Variants in BRIP1 observed in about 807,000 individuals in gnomAD.
BRIP1 encodes Fanconi anemia group J protein.
In BRIP1, 88 loss-of-function variants were observed where a neutral mutation model predicts 119.7. That is an observed-to-expected ratio of 0.74 (90% CI 0.62 to 0.88). The LOEUF (loss-of-function observed/expected upper bound fraction) is 0.88, where lower values mean the gene tolerates loss of function less well. BRIP1 is among the 40% of genes least tolerant of loss of function. The pLI, the probability that BRIP1 is intolerant of heterozygous loss-of-function variation, is 0.00. For missense variants in BRIP1, 1,259 were observed against 1,455.4 expected (o/e 0.87, Z 2.20); for synonymous variants, 443 against 496.5 (o/e 0.89, Z 1.43).
In BRIP1 at chr17:61,816,565, G is replaced by C. The variant is rs1485189502; in HGVS notation, c.628-7808C>G. Among the ~76,000 whole-genome samples the C allele has an allele frequency of 1.3e-5, 2 of 152,034 alleles. No homozygotes were observed. The highest frequency in any genetic ancestry group is 1.3e-4 in the Admixed American group (2 of 15,248). ...TTTCTGAAAAGTCTGTGTTTCAATA[G>C]AGTAAATCAATAAGAATTATCAGTT... On this transcript the variant is annotated intron_variant, in intron 6 of 19. Coordinates refer to ENST00000259008, the MANE Select transcript of BRIP1 (RefSeq NM_032043.3). The surrounding 1 kb of genome is among the most constrained non-coding windows in gnomAD (Gnocchi z 5.0).
intron 6 of BRIP1, among the ~76,000 whole-genome samples, chr17:61,836,193 C>A (rs1380818323): frequency 6.8e-6 from 1 of 146,924 alleles, no homozygotes; most frequent in African/African-American, 2.5e-5. Flanking sequence ...CTCACTTTAA[C>A]CTCTACCTCC....
chr17:61,857,001 G>A lies in BRIP1; in HGVS notation c.379+57C>T, dbSNP rs1180118445. ...CTTATATAAATTAGGGCTTATAACA[G>A]TAATAATTAAGACTCTTATTACAGA... On this transcript the variant is annotated intron_variant, in intron 4 of 19. Coordinates refer to ENST00000259008, the MANE Select transcript of BRIP1 (RefSeq NM_032043.3). The surrounding 1 kb of genome is among the most constrained non-coding windows in gnomAD (Gnocchi z 5.1). 2 of 1,509,950 alleles carry A rather than the reference G, an allele frequency of 1.3e-6. No individual in the cohort carries two copies. The highest frequency in any genetic ancestry group is 1.8e-6 in the Non-Finnish European group (2 of 1,085,792). The allele number at this position is 1,509,950 out of a possible 1,614,324, so 93.5% of individuals were successfully genotyped here. A position where few individuals can be genotyped will look rare whatever the true frequency, so the allele number is the denominator to read the frequency against.
At position 61,806,702 on chromosome 17, in the gene BRIP1, G is replaced by GTTGC. The variant is rs71768350; in HGVS notation, c.918+1764_918+1765insGCAA. ...TTTTACCAATGTATGTTTTTGGTTG[G>GTTGC]TTGGTTGTTTTTGAGACAAGAGCCT... On this transcript the variant is annotated intron_variant, in intron 7 of 19. Coordinates refer to ENST00000259008, the MANE Select transcript of BRIP1 (RefSeq NM_032043.3). The surrounding 1 kb of genome is among the most constrained non-coding windows in gnomAD (Gnocchi z 4.9). Among the ~76,000 whole-genome samples the GTTGC allele has an allele frequency of 6.6e-6, 1 of 151,840 alleles. No homozygotes were observed. Among genetic ancestry groups the GTTGC allele is most frequent in the African/African-American group, 2.4e-5 (1 of 41,308 alleles).
At chr17:61,826,285 A>C (rs773319490) in intron 6 of BRIP1, among the ~76,000 whole-genome samples, 5 of 152,180 alleles carry the variant, frequency 3.3e-5, no homozygotes, top group African/African-American at 4.8e-5. Context: ...CAAAAACTAT[A>C]AAAACCCTGG....
Position 61,739,532 on chromosome 17 carries a change from G to A in BRIP1, c.2379+3481C>T, listed in dbSNP as rs192921841. 372 of 176,668 alleles carry A rather than the reference G, an allele frequency of 2.1e-3. 8 individuals are homozygous for A. In the Admixed American group the frequency reaches 0.023, roughly 11 times the overall value. The allele number at this position is 176,668 out of a possible 1,614,324, so 10.9% of individuals were successfully genotyped here. A position where few individuals can be genotyped will look rare whatever the true frequency, so the allele number is the denominator to read the frequency against. ...AATTTTGAAGAGGTCCAGAGGTTACGGAAGAGTAAGGGCTACCAAAAGAAA... is the reference window on the plus strand; with the variant it reads ...AATTTTGAAGAGGTCCAGAGGTTACAGAAGAGTAAGGGCTACCAAAAGAAA... On this transcript the variant is annotated intron_variant, in intron 16 of 19. Transcript: ENST00000259008. The surrounding 1 kb of genome is among the most constrained non-coding windows in gnomAD (Gnocchi z 6.0).
At position 61,757,642 on chromosome 17, in the gene BRIP1, G is replaced by A. The variant is rs1000181671; in HGVS notation, c.2098-13051C>T. Among the ~76,000 whole-genome samples the A allele has an allele frequency of 6.6e-6, 1 of 152,084 alleles. No homozygotes were observed. The highest frequency in any genetic ancestry group is 1.9e-4 in the East Asian group (1 of 5,198). On this transcript the variant is annotated intron_variant, in intron 14 of 19. Transcript: ENST00000259008. The surrounding 1 kb of genome is among the most constrained non-coding windows in gnomAD (Gnocchi z 4.3). The stretch of plus-strand genomic sequence containing the variant: ...TACAATGCAAAAAACTTCAAAAAAT[G>A]ACATTTGTAAAACAACTAACATATT...
At chr17:61,763,367 T>A (rs779390866) in intron 14 of BRIP1, among the ~76,000 whole-genome samples, 3 of 152,100 alleles carry the variant, frequency 2.0e-5, no homozygotes, top group Non-Finnish European at 4.4e-5. Flanking sequence ...TACTGTCCAC[T>A]CAATTTTGCT....
Position 61,680,606 on chromosome 17 carries a change from A to C in BRIP1, c.*2690T>G, listed in dbSNP as rs1397079982. Among the ~76,000 whole-genome samples the C allele has an allele frequency of 2.0e-5, 3 of 148,836 alleles. No individual in the cohort carries two copies. The highest frequency in any genetic ancestry group is 1.4e-4 in the Admixed American group (2 of 14,716). ...GCCATTCTCCTGCCTCAGCCTCCTG[A>C]GTAGCTGGGACTACAGGCGCCCGCC... On this transcript the variant is annotated 3_prime_UTR_variant, in exon 20 of 20. Coordinates refer to ENST00000259008, the MANE Select transcript of BRIP1 (RefSeq NM_032043.3).
At chr17:61,707,223 T>C (rs1472498366) in intron 17 of BRIP1, among the ~76,000 whole-genome samples, 1 of 152,216 alleles carries the variant, frequency 6.6e-6, no homozygotes, top group Non-Finnish European at 1.5e-5. Context: ...CAATTTCTTC[T>C]ATTTTTTTGG....
At chr17:61,850,116 T>A (rs2078795632) in intron 4 of BRIP1, among the ~76,000 whole-genome samples, 1 of 151,820 alleles carries the variant, frequency 6.6e-6, no homozygotes, top group East Asian at 1.9e-4. Context: ...TTTTTTTTTT[T>A]TTTGAGATGG....
chr17:61,850,479 A>G (rs1355416874), intron 4 of BRIP1, among the ~76,000 whole-genome samples: 1 of 152,162 alleles, frequency 6.6e-6, no homozygotes, highest in Non-Finnish European at 1.5e-5. Context: ...CCTTGGCCCT[A>G]AAGGATTTAC....
At position 61,828,453 on chromosome 17, in the gene BRIP1, A is replaced by G. The variant is rs1305220866; in HGVS notation, c.627+18648T>C. On this transcript the variant is annotated intron_variant, in intron 6 of 19. Coordinates refer to ENST00000259008, the MANE Select transcript of BRIP1 (RefSeq NM_032043.3). This position sits in a 1 kb window ranked among gnomAD's most constrained non-coding sequence, Gnocchi z 4.1. ...TCATGGGTATGGTGTTTCAGTTTGG[A>G]AAGATGAAAAGGTTCTGGCACTAGA... Among the ~76,000 whole-genome samples, 2 of 152,184 alleles carry G rather than the reference A, an allele frequency of 1.3e-5. No individual in the cohort carries two copies. Among genetic ancestry groups the G allele is most frequent in the Non-Finnish European group, 2.9e-5 (2 of 68,024 alleles).
Position 61,690,667 on chromosome 17 carries a change from G to A in BRIP1, c.2575+2763C>T, listed in dbSNP as rs566946523. Among the ~76,000 whole-genome samples the A allele has an allele frequency of 2.6e-5, 4 of 152,190 alleles. No homozygotes were observed. The South Asian group carries it at 8.3e-4, about 32-fold the overall frequency. On this transcript the variant is annotated intron_variant, in intron 18 of 19. Transcript: ENST00000259008. The surrounding 1 kb of genome is among the most constrained non-coding windows in gnomAD (Gnocchi z 5.6). ...TGTTCATTCTCACTACTTCTATTTA[G>A]CTTAGTACTAAGAATCCTAGCCAGA...
chr17:61,818,358 C>T (rs2078269634), intron 6 of BRIP1, among the ~76,000 whole-genome samples: 1 of 152,110 alleles, frequency 6.6e-6, no homozygotes, highest in Non-Finnish European at 1.5e-5. Context: ...ACCTAATATC[C>T]ACATTAATAA....
In BRIP1 at chr17:61,832,192, T is replaced by C. The variant is rs2078502923; in HGVS notation, c.627+14909A>G. Among the ~76,000 whole-genome samples, 2 of 152,176 alleles carry C rather than the reference T, an allele frequency of 1.3e-5. No homozygotes were observed. Among genetic ancestry groups the C allele is most frequent in the Non-Finnish European group, 2.9e-5 (2 of 67,984 alleles). On this transcript the variant is annotated intron_variant, in intron 6 of 19. Transcript: ENST00000259008. This position sits in a 1 kb window ranked among gnomAD's most constrained non-coding sequence, Gnocchi z 5.5. ...TGGAACACTATCTTTTGCCAAAAAA[T>C]AAGGAAGCGTTCCAAGAATGATTGA...
At position 61,759,113 on chromosome 17, in the gene BRIP1, A is replaced by G. The variant is rs1249074090; in HGVS notation, c.2098-14522T>C. Among the ~76,000 whole-genome samples the G allele has an allele frequency of 6.6e-6, 1 of 152,094 alleles. No individual in the cohort carries two copies. The highest frequency in any genetic ancestry group is 1.5e-5 in the Non-Finnish European group (1 of 67,998). On this transcript the variant is annotated intron_variant, in intron 14 of 19. Transcript: ENST00000259008. This position sits in a 1 kb window ranked among gnomAD's most constrained non-coding sequence, Gnocchi z 4.9. ...ATGAATTACACTCTAGCAAAAAGAC[A>G]TAGAGTCTTAATTCCCAGAGCAATT...
rs987409058 is a variant in BRIP1, at chr17:61,684,207, T to C, written c.2906-67A>G. 6 of 1,530,142 alleles carry C rather than the reference T, an allele frequency of 3.9e-6. No homozygotes were observed. Among genetic ancestry groups the C allele is most frequent in the Middle Eastern group, 1.9e-4 (1 of 5,308 alleles). 94.8% of individuals were successfully genotyped at this position (1,530,142 alleles called of 1,614,324 possible). Reference sequence around the variant, plus strand: ...AGCTAACATAATTGCTAGGTTAAAATAATTATTTATTAGAAATACCTAAAT... The same window carrying C: ...AGCTAACATAATTGCTAGGTTAAAACAATTATTTATTAGAAATACCTAAAT... On this transcript the variant is annotated intron_variant, in intron 19 of 19. Coordinates refer to ENST00000259008, the MANE Select transcript of BRIP1 (RefSeq NM_032043.3). This position sits in a 1 kb window ranked among gnomAD's most constrained non-coding sequence, Gnocchi z 4.5.
In BRIP1 at chr17:61,799,209, T is replaced by G. The variant is rs1396705621; in HGVS notation, c.1231A>C (p.Thr411Pro). The G allele has an allele frequency of 6.2e-7, 1 of 1,613,668 alleles. No individual in the cohort carries two copies. The highest frequency in any genetic ancestry group is 8.5e-7 in the Non-Finnish European group (1 of 1,179,674). ...CGAGCAAACCGAAGCTGAACTTCTG[T>G]TACACTGTAACTTGCTGATTCCCGA... ...CARESASYSV[T>P]EVQLRFARDE... Residue 411 changes from threonine (T) to proline (P), a missense_variant, in exon 9 of 20, where the codon ACA (threonine) becomes CCA (proline). Thr to Pro is a conservative substitution (Grantham distance 38). Around this residue, in one of 3 missense-constraint regions of BRIP1, gnomAD observed 501 missense variants for 544.0 expected, o/e 0.92. Coordinates refer to ENST00000259008, the MANE Select transcript of BRIP1 (RefSeq NM_032043.3). This position sits in a 1 kb window ranked among gnomAD's most constrained non-coding sequence, Gnocchi z 5.1.
Position 61,799,071 on chromosome 17 carries a change from C to A in BRIP1, c.1340+29G>T, listed in dbSNP as rs2145298041. 3 of 1,590,998 alleles carry A rather than the reference C, an allele frequency of 1.9e-6. 1 individual carries two copies. The South Asian group carries it at 3.3e-5, about 18-fold the overall frequency. On this transcript the variant is annotated intron_variant, in intron 9 of 19. Transcript: ENST00000259008. The surrounding 1 kb of genome is among the most constrained non-coding windows in gnomAD (Gnocchi z 5.1). ...ACATATTTTTCATATAAAGGCAGCA[C>A]AAATACACTAATAGACAAATCTTCT...
Sources: gnomAD v4.1 joint callset for allele counts (sites outside exome capture counted in the v4.1 genomes callset) on GRCh38, gnomAD v4.1.1 for gene constraint, gnomAD v4.1.1 regional missense constraint, Gnocchi (gnomAD v3.1) non-coding constraint, MANE v1.5 for transcripts, NCBI Gene and HGNC (gene_info 2026-07-23, HGNC 2026-07-21) for gene names.